The following CPAMD8 variants were observed in gnomAD, a reference collection of about 807,000 sequenced individuals.
CPAMD8 encodes C3 and PZP-like alpha-2-macroglobulin domain-containing protein 8.
Under a neutral mutation model 224.7 loss-of-function variants are expected in CPAMD8, and 146 were observed. That is an observed-to-expected ratio of 0.65 (90% CI 0.57 to 0.75). The LOEUF is 0.75. Ranked by LOEUF, CPAMD8 falls within the 30% of genes least tolerant of loss-of-function variation. CPAMD8 has a pLI of 0.00. For synonymous variants in CPAMD8, 966 were observed against 1,044.6 expected (o/e 0.92, Z 1.45); for missense variants, 2,301 against 2,537.5 (o/e 0.91, Z 2.00).
intron 23 of CPAMD8, among the ~76,000 whole-genome samples, chr19:16,932,449 G>C (rs1212430923): frequency 1.3e-5 from 2 of 152,078 alleles, no homozygotes; most frequent in Admixed American, 6.6e-5. Flanking sequence ...TGATATAAAA[G>C]AAGCTCAGTG....
chr19:17,020,235 A>G, intron 3 of CPAMD8, 96 bp downstream of exon 3: 1 of 949,504 alleles, frequency 1.1e-6, no homozygotes, highest in South Asian at 1.3e-5. Flanking sequence ...CGGCCTTCCA[A>G]AGTGCTGGGA....
In CPAMD8 at chr19:16,970,918, G is replaced by A; in HGVS notation, c.2186C>T (p.Ala729Val). Residue 729 changes from alanine to valine, a missense_variant, in exon 18 of 42, where the codon GCA becomes GTA. Physicochemically the swap from Ala to Val is moderately conservative, Grantham distance 64. Around this residue, in one of 4 missense-constraint regions of CPAMD8, gnomAD observed 1,709 missense variants for 1,753.2 expected, o/e 0.97. Coordinates refer to ENST00000443236, the MANE Select transcript of CPAMD8 (RefSeq NM_015692.5). ...GGGGGGGTGCCTGGAAGGAGCCACTGCCACCAGGCTCCCTGTGTGGGGCTG... is the reference window on the plus strand; with the variant it reads ...GGGGGGGTGCCTGGAAGGAGCCACTACCACCAGGCTCCCTGTGTGGGGCTG... ...AFQPHTGSLVAVAPSRHPPRT... is the reference protein window; with the variant it reads ...AFQPHTGSLVVVAPSRHPPRT... 1 of 1,613,748 alleles carries A rather than the reference G, an allele frequency of 6.2e-7. No individual in the cohort carries two copies. Among genetic ancestry groups the A allele is most frequent in the Non-Finnish European group, 8.5e-7 (1 of 1,179,840 alleles).
At chr19:16,903,401 T>C (rs1272849020) in intron 34 of CPAMD8, among the ~76,000 whole-genome samples, 160 bp downstream of exon 34, 1 of 152,058 alleles carries the variant, frequency 6.6e-6, no homozygotes, top group African/African-American at 2.4e-5. Context: ...CATGGCCACC[T>C]GCCTTGGGCA....
rs3745344 is a variant in CPAMD8 at position 17,002,111 on chromosome 19, C to T, written c.758+155G>A. ...GAAGGGAGATGCACTAGGGGAGGGG[C>T]ACACCCCAGGGAGGAGGGAACCAGG... On this transcript the variant is annotated intron_variant, in intron 9 of 41. Coordinates refer to ENST00000443236, the MANE Select transcript of CPAMD8 (RefSeq NM_015692.5). Among the ~76,000 whole-genome samples, 34,929 of 147,034 alleles carry T rather than the reference C, an allele frequency of 0.24. 4,527 individuals carry two copies. The highest frequency in any genetic ancestry group is 0.37 in the African/African-American group (14,794 of 39,660).
At chr19:16,936,964 C>CT (rs979810241) in intron 23 of CPAMD8, among the ~76,000 whole-genome samples, 2 of 152,000 alleles carry the variant, frequency 1.3e-5, no homozygotes, top group Non-Finnish European at 2.9e-5. Context: ...GGTGGCAGAT[C>CT]TTTTTTTCCC....
intron 17 of CPAMD8, among the ~76,000 whole-genome samples, chr19:16,972,501 C>T (rs912120874): frequency 2.0e-5 from 3 of 151,968 alleles, no homozygotes; most frequent in Admixed American, 2.0e-4. Flanking sequence ...GGCGCGATCT[C>T]GGCTCACTGT....
At position 16,921,968 on chromosome 19, in the gene CPAMD8, G is replaced by T; in HGVS notation, c.3566C>A (p.Thr1189Asn). Reference protein sequence around the residue: ...YLVQGYQRQLTYKRQDGSYSA... With the variant: ...YLVQGYQRQLNYKRQDGSYSA... ...GTAGGAGCCATCCTGGCGCTTGTAG[G>T]TCAGCTGGCGCTGGTAGCCTGTGGG... is the stretch of plus-strand genomic sequence containing the variant. Residue 1189 changes from threonine to asparagine, a missense_variant, in exon 27 of 42, where the codon ACC (threonine) becomes AAC (asparagine). By Grantham distance (65) the Thr-to-Asn change is moderately conservative. Coordinates refer to ENST00000443236, the MANE Select transcript of CPAMD8 (RefSeq NM_015692.5). The T allele has an allele frequency of 6.5e-7, 1 of 1,548,144 alleles. No individual in the cohort carries two copies. Among genetic ancestry groups the T allele is most frequent in the Non-Finnish European group, 8.7e-7 (1 of 1,146,676 alleles).
At chr19:17,022,351 T>C (rs562386143) in intron 1 of CPAMD8, among the ~76,000 whole-genome samples, 170 bp from the exon 2 acceptor site, 2 of 152,332 alleles carry the variant, frequency 1.3e-5, no homozygotes, top group African/African-American at 4.8e-5. Context: ...CTTGAGTCCA[T>C]GGATTGGCTC....
Position 17,009,313 on chromosome 19 carries a change from G to T in CPAMD8, c.494C>A (p.Ala165Asp). Residue 165 changes from alanine to aspartate, a missense_variant, in exon 6 of 42, where the codon GCC becomes GAC. Around this residue, in one of 4 missense-constraint regions of CPAMD8, gnomAD observed 283 missense variants for 340.6 expected, o/e 0.83. Transcript: ENST00000443236. The part of the protein sequence containing the change: ...NLRPVNEKLE[A>D]YILDPRGSRM... ...ACAGAGGCCACTCACCAGGATGTAG[G>T]CTTCCAGCTGTAATGAAGACACAGA... The T allele has an allele frequency of 6.2e-7, 1 of 1,614,088 alleles. No individual in the cohort carries two copies. The highest frequency in any genetic ancestry group is 1.3e-5 in the African/African-American group (1 of 75,044).
rs573331328 is a variant in CPAMD8, at chr19:16,967,766, G to A, written c.2213+3125C>T. On this transcript the variant is annotated intron_variant, in intron 18 of 41. Transcript: ENST00000443236. ...AGAGCTTGTAGTAAGCCAAGATGGC[G>A]CCACTACACTCCAGCCTGGGCAACA... 1.9e-3 allele frequency among the ~76,000 whole-genome samples: 282 copies of A among 145,494 alleles called. 2 individuals carry two copies. Among genetic ancestry groups the A allele is most frequent in the Non-Finnish European group, 3.3e-3 (218 of 65,578 alleles).
At position 16,952,198 on chromosome 19, in the gene CPAMD8, T is replaced by C. The variant is rs910974652; in HGVS notation, c.2279A>G (p.Asp760Gly). The C allele has an allele frequency of 8.8e-5, 133 of 1,509,794 alleles. No individual in the cohort carries two copies. The highest frequency in any genetic ancestry group is 1.2e-4 in the Non-Finnish European group (128 of 1,110,768). The allele number at this position is 1,509,794 out of a possible 1,614,324, so 93.5% of individuals were successfully genotyped here. A position where few individuals can be genotyped will look rare whatever the true frequency, so the allele number is the denominator to read the frequency against. The change falls in exon 20 of 42, where the codon GAC (aspartate) becomes GGC (glycine). Residue 760 changes from aspartate to glycine, a missense_variant and splice_region_variant. By Grantham distance (94) the Asp-to-Gly change is moderately conservative. Coordinates refer to ENST00000443236, the MANE Select transcript of CPAMD8 (RefSeq NM_015692.5). ...ACTGAGTGTCCCCTCACCAGATGGG[T>C]CACTGCGGAGAGACAGACAGCCATG... ...TWIWHCLNIS[D>G]PSGEGTLSVK... is the part of the protein sequence containing the mutation.
chr19:16,973,454 T>C (rs930573809), intron 17 of CPAMD8, among the ~76,000 whole-genome samples: 2 of 152,066 alleles, frequency 1.3e-5, no homozygotes, highest in Non-Finnish European at 1.5e-5. Context: ...GTTCCAGAGC[T>C]TCTCCTGCCT....
chr19:17,004,275 T>C lies in CPAMD8; in HGVS notation c.671A>G (p.Tyr224Cys), dbSNP rs371807162. 11 of 1,594,036 alleles carry C rather than the reference T, an allele frequency of 6.9e-6. No individual in the cohort carries two copies. The highest frequency in any genetic ancestry group is 9.5e-6 in the Non-Finnish European group (11 of 1,162,056). Residue 224 changes from tyrosine (Y) to cysteine (C), a missense_variant and splice_region_variant, in exon 8 of 42, where the codon TAT (tyrosine) becomes TGT (cysteine). This residue lies in a region of CPAMD8 where 283 missense variants were observed against 340.6 expected (regional missense o/e 0.83). Coordinates refer to ENST00000443236, the MANE Select transcript of CPAMD8 (RefSeq NM_015692.5). ...GACCCTGAGATTCTCCAACTTACCA[T>C]ACTTCTGAACTTCAAAAGACTTGTT... The part of the protein sequence containing the change: ...AYNKSFEVQK[Y>C]VLPKFELLID...
chr19:17,015,080 G>C (rs1159861379), intron 3 of CPAMD8, among the ~76,000 whole-genome samples: 1 of 152,020 alleles, frequency 6.6e-6, no homozygotes, highest in African/African-American at 2.4e-5. Context: ...CGTCTCTACT[G>C]AAAATACAAA....
At position 16,929,105 on chromosome 19, in the gene CPAMD8, G is replaced by C. The variant is rs768592809; in HGVS notation, c.2981C>G (p.Thr994Arg). Residue 994 changes from threonine (T) to arginine (R), a missense_variant, in exon 24 of 42, where the codon ACA becomes AGA. Transcript: ENST00000443236. Reference protein sequence around the residue: ...RVALSSGPQDTAGMIEIVLGG... With the variant: ...RVALSSGPQDRAGMIEIVLGG... ...CAGGACGATCTCGATCATGCCTGCT[G>C]TGTCCTGGGGCCCAGAAGACAAGGC... The C allele has an allele frequency of 1.2e-6, 2 of 1,614,122 alleles. No homozygotes were observed. Among genetic ancestry groups the C allele is most frequent in the South Asian group, 2.2e-5 (2 of 91,078 alleles).
chr19:16,896,129 G>C, intron 41 of CPAMD8, 47 bp downstream of exon 41: 1 of 1,605,766 alleles, frequency 6.2e-7, no homozygotes, highest in Non-Finnish European at 8.5e-7. Flanking sequence ...GAGGTGGGGA[G>C]ATATTGAGCC....
intron 20 of CPAMD8, among the ~76,000 whole-genome samples, chr19:16,949,021 A>AAAAG (rs1034952037): frequency 1.4e-5 from 2 of 139,822 alleles, no homozygotes; most frequent in African/African-American, 2.6e-5. Context: ...AGAAAGAAAG[A>AAAAG]AAAGAAAGAA....
At position 16,975,180 on chromosome 19, in the gene CPAMD8, C is replaced by T. The variant is rs2055216119; in HGVS notation, c.1987G>A (p.Gly663Arg). Residue 663 changes from glycine to arginine, a missense_variant, in exon 17 of 42, where the codon GGG (glycine) becomes AGG (arginine). By Grantham distance (125) the Gly-to-Arg change is moderately radical. Coordinates refer to ENST00000443236, the MANE Select transcript of CPAMD8 (RefSeq NM_015692.5). ...CGCCGGCGTCGTTGTGCCGTCAGCC[C>T]AGCCCACCAAAAAGGACCATCCTCC... is the stretch of plus-strand genomic sequence containing the variant. The part of the protein sequence containing the change: ...SREDGPFWWA[G>R]LTAQRRRRSS... 3 of 1,612,170 alleles carry T rather than the reference C, an allele frequency of 1.9e-6. No individual in the cohort carries two copies. Among genetic ancestry groups the T allele is most frequent in the Non-Finnish European group, 2.5e-6 (3 of 1,179,240 alleles).
chr19:16,928,705 C>T (rs2053450217), intron 24 of CPAMD8, among the ~76,000 whole-genome samples: 1 of 152,198 alleles, frequency 6.6e-6, no homozygotes, highest in Middle Eastern at 3.4e-3. Flanking sequence ...CTTCTTTTCT[C>T]CCCTACCTCC....
Sources: gnomAD v4.1 joint callset for allele counts (sites outside exome capture counted in the v4.1 genomes callset) on GRCh38, gnomAD v4.1.1 for gene constraint, gnomAD v4.1.1 regional missense constraint, MANE v1.5 for transcripts, NCBI Gene and HGNC (gene_info 2026-07-23, HGNC 2026-07-21) for gene names.